ATP9B: variants seen among roughly 807,000 people sequenced by gnomAD.
The protein encoded by ATP9B is probable phospholipid-transporting ATPase IIB.
A neutral mutation model predicts 146.1 loss-of-function variants in ATP9B; 110 were observed. That is an observed-to-expected ratio of 0.75 (90% CI 0.65 to 0.88). The LOEUF is 0.88. Among genes scored for constraint, ATP9B ranks in the 40% least tolerant of loss-of-function variants. The pLI is 0.00. For synonymous variants in ATP9B, 604 were observed against 569.7 expected (o/e 1.06, Z -0.86); for missense variants, 1,499 against 1,496.4 (o/e 1.00, Z -0.03).
At chr18:79,102,113 GT>G (rs370647755) in intron 2 of ATP9B, among the ~76,000 whole-genome samples, 23 of 151,572 alleles carry the variant, frequency 1.5e-4, no homozygotes, top group African/African-American at 5.6e-4. Flanking sequence ...GCCCGGCTAA[GT>G]TTTTTTTGTG....
chr18:79,199,543 C>T (rs28506113), intron 9 of ATP9B, among the ~76,000 whole-genome samples: 3,839 of 151,834 alleles, frequency 0.025, 172 homozygotes, highest in African/African-American at 0.087. Context: ...TGGTGGATCA[C>T]GAGGTCAAGA....
At chr18:79,203,767 G>A (rs541524732) in intron 9 of ATP9B, among the ~76,000 whole-genome samples, 9 of 152,296 alleles carry the variant, frequency 5.9e-5, no homozygotes, top group Non-Finnish European at 7.4e-5. Context: ...CTGTGCCAAC[G>A]CTGGAACCTC....
chr18:79,314,827 G>A (rs572746626), intron 15 of ATP9B, among the ~76,000 whole-genome samples: 4 of 152,304 alleles, frequency 2.6e-5, no homozygotes, highest in African/African-American at 7.2e-5. Flanking sequence ...CAGTGCAGTC[G>A]CAGGACACCA....
chr18:79,072,699 G>A (rs981469061), intron 1 of ATP9B, among the ~76,000 whole-genome samples: 1 of 136,086 alleles, frequency 7.3e-6, no homozygotes, highest in Non-Finnish European at 1.6e-5. Flanking sequence ...CCGGGTGGGG[G>A]CGCCCCCCCA....
chr18:79,161,867 T>C (rs1278401603), intron 7 of ATP9B, among the ~76,000 whole-genome samples: 1 of 152,184 alleles, frequency 6.6e-6, no homozygotes, highest in Non-Finnish European at 1.5e-5. Context: ...AGTCAGATTG[T>C]TTTTTCATGC....
At chr18:79,248,165 C>CTTAA (rs1482971812) in intron 11 of ATP9B, among the ~76,000 whole-genome samples, 1 of 152,168 alleles carries the variant, frequency 6.6e-6, no homozygotes, top group Admixed American at 6.5e-5. Context: ...ACTACACACA[C>CTTAA]TTAAGGCTTA....
At chr18:79,228,380 C>T (rs2095756425) in intron 11 of ATP9B, among the ~76,000 whole-genome samples, 1 of 152,214 alleles carries the variant, frequency 6.6e-6, no homozygotes, top group Non-Finnish European at 1.5e-5. Flanking sequence ...TCCTCAAATT[C>T]CGCTAGTACC....
intron 9 of ATP9B, among the ~76,000 whole-genome samples, chr18:79,206,235 C>T (rs1185555860): frequency 1.3e-5 from 2 of 152,024 alleles, no homozygotes; most frequent in Admixed American, 6.5e-5. Flanking sequence ...CCACCGCGCC[C>T]GGCCAATAAT....
intron 2 of ATP9B, among the ~76,000 whole-genome samples, chr18:79,103,320 G>A (rs138628104): frequency 6.8e-6 from 1 of 146,048 alleles, no homozygotes; most frequent in African/African-American, 2.6e-5. Flanking sequence ...ACAAAACAAA[G>A]CATTGGCAGG....
In ATP9B at chr18:79,238,351, G is replaced by C. The variant is rs1464164000; in HGVS notation, c.1108-15030G>C. ...AAGGCTGTGGGGAGGTCAGTTCCGG[G>C]GCTTACGTGAGGTGGTGATTGTGGG... On this transcript the variant is annotated intron_variant, in intron 11 of 29. Transcript: ENST00000426216. Among the ~76,000 whole-genome samples, 3 of 152,194 alleles carry C rather than the reference G, an allele frequency of 2.0e-5. No individual in the cohort carries two copies. The East Asian group carries it at 5.8e-4, about 30-fold the overall frequency.
At chr18:79,101,389 G>A (rs1321055506) in intron 2 of ATP9B, among the ~76,000 whole-genome samples, 1 of 151,976 alleles carries the variant, frequency 6.6e-6, no homozygotes, top group African/African-American at 2.4e-5. Context: ...TTTGAGGTTG[G>A]CCTATTTCAT....
rs2095179056 is a variant in ATP9B at position 79,176,838 on chromosome 18, A to G, written c.804A>G (p.Gln268=). The G allele has an allele frequency of 3.1e-6, 5 of 1,614,134 alleles. No homozygotes were observed. In the East Asian group the frequency reaches 1.1e-4, roughly 36 times the overall value. ...KAGSCFIRTD[Q]LDGETDWKLK... is the part of the protein sequence containing the mutation. ...GTTCGTGTTTTATTCGAACTGATCAACTAGATGGTGAAACTGACTGGAAGC... is the reference window on the plus strand; with the variant it reads ...GTTCGTGTTTTATTCGAACTGATCAGCTAGATGGTGAAACTGACTGGAAGC... The change falls in exon 8 of 30, where the codon CAA becomes CAG. Residue 268 remains glutamine, a synonymous_variant. Transcript: ENST00000426216.
At position 79,172,513 on chromosome 18, in the gene ATP9B, G is replaced by A. The variant is rs540359626; in HGVS notation, c.779-4300G>A. Among the ~76,000 whole-genome samples, 56 of 104,504 alleles carry A rather than the reference G, an allele frequency of 5.4e-4. 3 individuals carry two copies. Among genetic ancestry groups the A allele is most frequent in the Admixed American group, 4.5e-3 (48 of 10,728 alleles). 68.6% of individuals were successfully genotyped at this position (104,504 alleles called of 152,430 possible). On this transcript the variant is annotated intron_variant, in intron 7 of 29. Transcript: ENST00000426216. ...GCTGTGATTACAGGCGTGAGCCACCGTGCCCCGCCCTTGCGATCCGCCTTG... is the reference window on the plus strand; with the variant it reads ...GCTGTGATTACAGGCGTGAGCCACCATGCCCCGCCCTTGCGATCCGCCTTG...
intron 12 of ATP9B, among the ~76,000 whole-genome samples, chr18:79,269,144 C>T (rs2096232095): frequency 6.6e-6 from 1 of 152,202 alleles, no homozygotes; most frequent in Non-Finnish European, 1.5e-5. Context: ...CTGCCCCGTC[C>T]CCACCTGTCG....
At chr18:79,325,438 T>TGAG (rs2096739097) in intron 15 of ATP9B, among the ~76,000 whole-genome samples, 1 of 152,194 alleles carries the variant, frequency 6.6e-6, no homozygotes, top group Admixed American at 6.5e-5. Context: ...TCTTAAAATA[T>TGAG]GAGAAATTTG....
At chr18:79,315,186 T>C (rs757723907) in intron 15 of ATP9B, among the ~76,000 whole-genome samples, 10 of 152,248 alleles carry the variant, frequency 6.6e-5, no homozygotes, top group Non-Finnish European at 1.3e-4. Flanking sequence ...GGGTTATTAA[T>C]AGTATTGCTT....
chr18:79,125,418 C>G (rs2094267079), intron 4 of ATP9B, among the ~76,000 whole-genome samples: 2 of 152,128 alleles, frequency 1.3e-5, no homozygotes, highest in Non-Finnish European at 2.9e-5. Flanking sequence ...TCAGTAAATA[C>G]AAGAAACATT....
intron 5 of ATP9B, among the ~76,000 whole-genome samples, chr18:79,134,799 A>T (rs1277086931): frequency 3.3e-5 from 5 of 152,170 alleles, no homozygotes; most frequent in African/African-American, 7.2e-5. Context: ...ACTTATTTTT[A>T]AAAAATCATT....
chr18:79,317,249 A>C (rs2096685890), intron 15 of ATP9B, among the ~76,000 whole-genome samples: 1 of 152,246 alleles, frequency 6.6e-6, no homozygotes, highest in African/African-American at 2.4e-5. Context: ...AGTTCTGAAA[A>C]AAATGATAAA....
Sources: gnomAD v4.1 joint callset for allele counts (sites outside exome capture counted in the v4.1 genomes callset) on GRCh38, gnomAD v4.1.1 for gene constraint, MANE v1.5 for transcripts, NCBI Gene and HGNC (gene_info 2026-07-23, HGNC 2026-07-21) for gene names.